The following CCDC178 variants were observed in gnomAD, a reference collection of about 807,000 sequenced individuals.
The protein encoded by CCDC178 is coiled-coil domain-containing protein 178.
CCDC178 carries 126 observed loss-of-function variants against 117.4 expected under a neutral mutation model. The observed-to-expected ratio is 1.07, with a 90% CI of 0.93 to 1.24. The LOEUF (loss-of-function observed/expected upper bound fraction) is 1.24. Ranked by LOEUF, CCDC178 falls within the 50% of genes most tolerant of loss-of-function variation. The pLI, the probability that CCDC178 is intolerant of heterozygous loss-of-function variation, is 0.00. For synonymous variants in CCDC178, 283 were observed against 313.4 expected, an observed-to-expected ratio of 0.90 and a Z score of 1.02; for missense variants, 1,030 against 986.9, an observed-to-expected ratio of 1.04 and a Z score of -0.59.
chr18:33,020,354 T>C (rs553920236), intron 21 of CCDC178, among the ~76,000 whole-genome samples: 4 of 152,274 alleles, frequency 2.6e-5, no homozygotes, highest in Admixed American at 1.3e-4. Flanking sequence ...GAAATAATGT[T>C]GAGCTCACAT....
rs913895529 is a variant in CCDC178 at position 33,307,285 on chromosome 18, A to T, written c.1023-13973T>A. On this transcript the variant is annotated intron_variant, in intron 11 of 22. Transcript: ENST00000383096. Reference sequence around the variant, plus strand: ...GGGTTGGACCAAAATGCTGATAGTGATATGGACAATGAAGTCCAGGCTGAG... The same window carrying T: ...GGGTTGGACCAAAATGCTGATAGTGTTATGGACAATGAAGTCCAGGCTGAG... 3.9e-5 allele frequency among the ~76,000 whole-genome samples: 6 copies of T among 152,188 alleles called. No individual in the cohort carries two copies. The South Asian group carries it at 6.2e-4, about 16-fold the overall frequency.
intron 21 of CCDC178, among the ~76,000 whole-genome samples, chr18:33,064,726 C>T (rs1178650569): frequency 5.3e-5 from 8 of 151,992 alleles, no homozygotes; most frequent in South Asian, 2.1e-4. Context: ...TATATCTAAG[C>T]GAAATGGAAT....
chr18:32,987,547 A>G (rs893852537), intron 21 of CCDC178, among the ~76,000 whole-genome samples: 2 of 152,172 alleles, frequency 1.3e-5, no homozygotes, highest in African/African-American at 4.8e-5. Context: ...ACATACAGAT[A>G]TACATGCACA....
chr18:33,418,333 T>C (rs540655200), intron 2 of CCDC178, among the ~76,000 whole-genome samples: 36 of 152,174 alleles, frequency 2.4e-4, no homozygotes, highest in African/African-American at 7.2e-4. Flanking sequence ...CAAAGGAACA[T>C]ATCTCAAAAT....
At chr18:33,316,481 T>TG (rs1244335977) in intron 11 of CCDC178, among the ~76,000 whole-genome samples, 3 of 151,872 alleles carry the variant, frequency 2.0e-5, no homozygotes, top group Non-Finnish European at 4.4e-5. Flanking sequence ...CCACACGCCG[T>TG]GGGCTCCTGC....
At chr18:33,428,309 A>G (rs138175167) in intron 2 of CCDC178, among the ~76,000 whole-genome samples, 2 of 152,328 alleles carry the variant, frequency 1.3e-5, no homozygotes, top group African/African-American at 4.8e-5. Flanking sequence ...AGAAAAACAA[A>G]AATGATAGCT....
At chr18:33,338,886 AAAAT>A (rs781565782) in intron 9 of CCDC178, among the ~76,000 whole-genome samples, 8 of 152,142 alleles carry the variant, frequency 5.3e-5, no homozygotes, top group African/African-American at 1.2e-4. Flanking sequence ...AAAACCTAAT[AAAAT>A]AAATAAATAA....
chr18:33,019,912 GATA>G (rs2056074936), intron 21 of CCDC178, among the ~76,000 whole-genome samples: 2 of 111,350 alleles, frequency 1.8e-5, no homozygotes, highest in African/African-American at 3.4e-5. Flanking sequence ...TCTTAACTGA[GATA>G]TTATTATTAT....
chr18:33,372,875 A>G (rs1437013670), intron 5 of CCDC178, among the ~76,000 whole-genome samples: 5 of 152,116 alleles, frequency 3.3e-5, no homozygotes, highest in Non-Finnish European at 7.4e-5. Flanking sequence ...TTGTATATGC[A>G]CTTCCTTTAT....
At chr18:33,169,776 T>C (rs1268688673) in intron 20 of CCDC178, among the ~76,000 whole-genome samples, 1 of 152,216 alleles carries the variant, frequency 6.6e-6, no homozygotes, top group African/African-American at 2.4e-5. Flanking sequence ...GAACATATAA[T>C]GGCTTGATTA....
chr18:33,219,074 C>T (rs1036416056), intron 18 of CCDC178, among the ~76,000 whole-genome samples: 1 of 152,210 alleles, frequency 6.6e-6, no homozygotes, highest in South Asian at 2.1e-4. Context: ...CTGATTATTC[C>T]TATCGATCAA....
intron 11 of CCDC178, among the ~76,000 whole-genome samples, chr18:33,315,755 C>T (rs889528249): frequency 6.6e-6 from 1 of 152,108 alleles, no homozygotes; most frequent in African/African-American, 2.4e-5. Context: ...GCATTCCTGG[C>T]CTCTAGATGT....
chr18:33,023,337 AAACAAATATT>A, intron 21 of CCDC178, among the ~76,000 whole-genome samples: 1 of 152,296 alleles, frequency 6.6e-6, no homozygotes, highest in African/African-American at 2.4e-5. Context: ...TTGGACCATA[AAACAAATATT>A]AACAAATATA....
chr18:33,190,045 C>T (rs2058839677), intron 20 of CCDC178, among the ~76,000 whole-genome samples: 2 of 152,248 alleles, frequency 1.3e-5, no homozygotes, highest in South Asian at 2.1e-4. Flanking sequence ...GACTACCAAC[C>T]AGTGCTTGGC....
At chr18:33,156,082 CTT>C (rs755685926) in intron 20 of CCDC178, among the ~76,000 whole-genome samples, 10,213 of 96,804 alleles carry the variant, frequency 0.11, 156 homozygotes, top group African/African-American at 0.18. Flanking sequence ...CTAGAAAACA[CTT>C]TTTTTTTTTT....
Position 33,136,239 on chromosome 18 carries a change from G to A in CCDC178, c.2239-43329C>T, listed in dbSNP as rs900528046. On this transcript the variant is annotated intron_variant, in intron 20 of 22. Transcript: ENST00000383096. ...CAAATGTAATGGGGCTTAATATGGT[G>A]AAATGACATGTTCCCTTTCTCCCCA... Among the ~76,000 whole-genome samples, 6 of 152,290 alleles carry A rather than the reference G, an allele frequency of 3.9e-5. No homozygotes were observed. The South Asian group carries it at 8.3e-4, about 21-fold the overall frequency.
chr18:33,392,744 C>T (rs1294125631), intron 4 of CCDC178, among the ~76,000 whole-genome samples: 1 of 152,080 alleles, frequency 6.6e-6, no homozygotes, highest in Non-Finnish European at 1.5e-5. Flanking sequence ...CACCTGTAGT[C>T]CCAGTTACTC....
intron 7 of CCDC178, among the ~76,000 whole-genome samples, chr18:33,355,034 T>C (rs1025864882): frequency 2.0e-5 from 3 of 152,246 alleles, no homozygotes; most frequent in African/African-American, 2.4e-5. Context: ...TGAAGATATT[T>C]AAGTCAATTG....
At chr18:33,316,952 C>T (rs181777727) in intron 11 of CCDC178, among the ~76,000 whole-genome samples, 17 of 152,076 alleles carry the variant, frequency 1.1e-4, no homozygotes, top group East Asian at 1.9e-4. Context: ...GGATTGTAAA[C>T]GCACCAATCA....
Sources: gnomAD v4.1 joint callset for allele counts (sites outside exome capture counted in the v4.1 genomes callset) on GRCh38, gnomAD v4.1.1 for gene constraint, MANE v1.5 for transcripts, NCBI Gene and HGNC (gene_info 2026-07-23, HGNC 2026-07-21) for gene names.